Variants in FAM53A observed in about 807,000 individuals in gnomAD.
The protein encoded by FAM53A is protein FAM53A.
FAM53A carries 28 observed loss-of-function variants against 26.6 expected under a neutral mutation model. The observed-to-expected ratio is 1.05, with a 90% CI of 0.78 to 1.45. The LOEUF is 1.45. Among genes scored for constraint, FAM53A ranks in the 40% most tolerant of loss-of-function variants. FAM53A has a pLI of 0.00. For missense variants in FAM53A, 650 were observed against 575.8 expected (o/e 1.13, Z -1.32); for synonymous variants, 290 against 253.1 (o/e 1.15, Z -1.38).
At chr4:1,628,762 T>G (rs1196457575) in intron 1 of FAM53A, among the ~76,000 whole-genome samples, 1 of 16,038 alleles carries the variant, frequency 6.2e-5, no homozygotes, top group Non-Finnish European at 1.0e-4. Flanking sequence ...GGGGGGAGGG[T>G]GGCATGGGGG....
intron 1 of FAM53A, among the ~76,000 whole-genome samples, chr4:1,622,790 C>G (rs1405606237): frequency 6.6e-6 from 1 of 152,198 alleles, no homozygotes; most frequent in Non-Finnish European, 1.5e-5. Context: ...TTTCCAAGCC[C>G]TCCAAAGGTC....
chr4:1,624,259 G>A (rs1715182329), intron 1 of FAM53A, among the ~76,000 whole-genome samples: 1 of 152,236 alleles, frequency 6.6e-6, no homozygotes, highest in South Asian at 2.1e-4. Flanking sequence ...GCACTTCGCA[G>A]GGCCCACGGC....
At chr4:1,618,250 C>T (rs1714882184) in intron 1 of FAM53A, 1 of 427,542 alleles carries the variant, frequency 2.3e-6, no homozygotes, top group Non-Finnish European at 4.7e-6. Flanking sequence ...TGCATCCAGG[C>T]TGTGGCCCCC....
intron 1 of FAM53A, among the ~76,000 whole-genome samples, chr4:1,631,901 G>A (rs972321955): frequency 6.6e-6 from 1 of 152,118 alleles, no homozygotes; most frequent in Non-Finnish European, 1.5e-5. Context: ...GGTGGCTCAC[G>A]CCTGTAATCC....
the FAM53A span, among the ~76,000 whole-genome samples, chr4:1,601,568 T>TGCCATGCGCCCCATC: frequency 2.8e-5 from 3 of 107,096 alleles, 1 homozygote; most frequent in African/African-American, 9.3e-5. Flanking sequence ...TGCGCCCCAT[T>TGCCATGCGCCCCATC]TGCCATGCGC....
intron 1 of FAM53A, among the ~76,000 whole-genome samples, chr4:1,631,512 G>A (rs187020676): frequency 2.0e-5 from 3 of 152,280 alleles, no homozygotes; most frequent in African/African-American, 7.2e-5. Flanking sequence ...GAACTCCTCA[G>A]GGAAGGGCAC....
chr4:1,594,956 G>A, the FAM53A span, among the ~76,000 whole-genome samples: 1 of 152,246 alleles, frequency 6.6e-6, no homozygotes, highest in African/African-American at 2.4e-5. Context: ...TGTTCCTTCT[G>A]CAGACTGCCG....
intron 4 of FAM53A, among the ~76,000 whole-genome samples, chr4:1,652,865 CCA>C (rs1449604766): frequency 1.4e-5 from 2 of 147,306 alleles, no homozygotes; most frequent in Non-Finnish European, 3.0e-5. Flanking sequence ...AGCACACACA[CCA>C]CACACCAAAC....
intron 4 of FAM53A, 64 bp from the exon 5 acceptor site, chr4:1,641,671 C>A: frequency 1.9e-6 from 3 of 1,564,694 alleles, no homozygotes; most frequent in Non-Finnish European, 1.8e-6. Context: ...CAGCATCCCA[C>A]CAACCCATCG....
chr4:1,674,485 C>T (rs189583877), intron 1 of FAM53A, among the ~76,000 whole-genome samples: 79 of 152,212 alleles, frequency 5.2e-4, no homozygotes, highest in Non-Finnish European at 9.3e-4. Flanking sequence ...CTGGCTAACA[C>T]GGTGAAATCC....
chr4:1,665,928 C>T (rs1714188439), intron 2 of FAM53A, among the ~76,000 whole-genome samples: 1 of 151,584 alleles, frequency 6.6e-6, no homozygotes, highest in Admixed American at 6.6e-5. Context: ...CACCTGCACC[C>T]CCTGTATCTA....
chr4:1,576,008 T>C, the FAM53A span, among the ~76,000 whole-genome samples: 2 of 152,174 alleles, frequency 1.3e-5, no homozygotes, highest in Non-Finnish European at 2.9e-5. Context: ...GCAGCCTCCC[T>C]CCTGGCCATC....
At chr4:1,649,887 T>G (rs1481766837) in intron 4 of FAM53A, among the ~76,000 whole-genome samples, 4 of 140,508 alleles carry the variant, frequency 2.8e-5, no homozygotes, top group Non-Finnish European at 6.2e-5. Context: ...GTTTGTGAGG[T>G]GGCACAGGCG....
At chr4:1,677,699 A>G (rs4865461) in intron 1 of FAM53A, among the ~76,000 whole-genome samples, 88,224 of 152,054 alleles carry the variant, frequency 0.58, 27,340 homozygotes, top group East Asian at 0.89. Context: ...GCAGAGGGAT[A>G]CAGTGGCCGT....
At chr4:1,618,023 A>T in exon 2 of FAM53A, 1 of 456,352 alleles carries the variant, frequency 2.2e-6, no homozygotes, top group Non-Finnish European at 4.4e-6. Flanking sequence ...ACCAGTGAGG[A>T]GACGGCTGTC....
chr4:1,656,108 A>G (rs1713362307), intron 3 of FAM53A, among the ~76,000 whole-genome samples: 1 of 152,164 alleles, frequency 6.6e-6, no homozygotes, highest in South Asian at 2.1e-4. Flanking sequence ...TACCCCGGCC[A>G]GGACTCTCCA....
intron 1 of FAM53A, among the ~76,000 whole-genome samples, chr4:1,624,664 CCGCCACCA>C (rs1279682976): frequency 6.6e-6 from 1 of 152,240 alleles, no homozygotes; most frequent in Non-Finnish European, 1.5e-5. Context: ...GCCCGCCTCC[CCGCCACCA>C]CGCCAGGTAC....
chr4:1,650,278 T>G (rs1456907859), intron 4 of FAM53A, among the ~76,000 whole-genome samples: 1 of 140,470 alleles, frequency 7.1e-6, no homozygotes, highest in African/African-American at 2.7e-5. Context: ...GGCGTTTGAC[T>G]GTGAGGTGGC....
At chr4:1,637,016 A>G (rs991910819), downstream of FAM53A, among the ~76,000 whole-genome samples, 1 of 152,144 alleles carries the variant, frequency 6.6e-6, no homozygotes, top group Non-Finnish European at 1.5e-5. Flanking sequence ...CACGAGAACA[A>G]GGAGCTCCCG....
Sources: gnomAD v4.1 joint callset for allele counts (sites outside exome capture counted in the v4.1 genomes callset) on GRCh38, gnomAD v4.1.1 for gene constraint, MANE v1.5 for transcripts, NCBI Gene and HGNC (gene_info 2026-07-23, HGNC 2026-07-21) for gene names.